EVL: variants seen among roughly 807,000 people sequenced by gnomAD.
EVL encodes Enah/Vasp-like, also known as ena/VASP-like protein.
Under a neutral mutation model 59.6 loss-of-function variants are expected in EVL, and 21 were observed. That is an observed-to-expected ratio of 0.35 (90% CI 0.25 to 0.51). The LOEUF is 0.51. Among genes scored for constraint, EVL ranks in the 20% least tolerant of loss-of-function variants. The pLI, the probability that EVL is intolerant of heterozygous loss-of-function variation, is 0.97. For synonymous variants in EVL, 198 were observed against 203.5 expected (o/e 0.97, Z 0.23); for missense variants, 462 against 546.6 (o/e 0.85, Z 1.54).
At chr14:100,102,421 G>C (rs894597968) in intron 3 of EVL, 1 of 455,120 alleles carries the variant, frequency 2.2e-6, no homozygotes, top group African/African-American at 2.0e-5. Context: ...ACACCTCCTT[G>C]GCTGTCAGGT....
At chr14:100,133,453 T>C (rs901650893) in intron 8 of EVL, among the ~76,000 whole-genome samples, 1 of 152,242 alleles carries the variant, frequency 6.6e-6, no homozygotes, top group Non-Finnish European at 1.5e-5. Context: ...GAAATAAAAC[T>C]GCCAGGGACC....
At chr14:100,137,500 T>G in intron 9 of EVL, 78 bp from the exon 10 acceptor site, 14 of 1,445,570 alleles carry the variant, frequency 9.7e-6, no homozygotes, top group Non-Finnish European at 1.3e-5. Flanking sequence ...GGGCTTCCTG[T>G]TGGGGTGTTT....
intron 3 of EVL, among the ~76,000 whole-genome samples, chr14:100,104,808 G>T (rs774487582): frequency 6.6e-6 from 1 of 151,436 alleles, no homozygotes; most frequent in Non-Finnish European, 1.5e-5. Context: ...GATCAAATGT[G>T]TAGATAAATA....
At chr14:100,006,273 G>T (rs1340716166) in intron 1 of EVL, among the ~76,000 whole-genome samples, 1 of 150,376 alleles carries the variant, frequency 6.6e-6, no homozygotes, top group Non-Finnish European at 1.5e-5. Flanking sequence ...AAAACCAGCT[G>T]GTTGTTAATC....
chr14:100,136,026 G>A (rs1338526687), intron 9 of EVL, 58 bp downstream of exon 9: 10 of 1,576,886 alleles, frequency 6.3e-6, no homozygotes, highest in Non-Finnish European at 8.7e-6. Flanking sequence ...GTGGGAGGGG[G>A]GACCCTTCGG....
intron 1 of EVL, among the ~76,000 whole-genome samples, chr14:99,985,744 G>C (rs1366563674): frequency 6.6e-6 from 1 of 151,170 alleles, no homozygotes; most frequent in Non-Finnish European, 1.5e-5. Flanking sequence ...TCTGGCCTGG[G>C]CAACAAGAGC....
At chr14:100,033,672 A>T (rs972096388) in intron 1 of EVL, among the ~76,000 whole-genome samples, 2 of 152,250 alleles carry the variant, frequency 1.3e-5, no homozygotes, top group Non-Finnish European at 2.9e-5. Context: ...TAACCTGCTA[A>T]GTACTTTATA....
chr14:100,143,726 C>A lies in EVL; in HGVS notation c.1245C>A (p.Ile415=), dbSNP rs139019530. 73 of 1,612,368 alleles carry A rather than the reference C, an allele frequency of 4.5e-5. No homozygotes were observed. The highest frequency in any genetic ancestry group is 5.7e-5 in the Non-Finnish European group (67 of 1,179,906). Residue 415 remains isoleucine, a synonymous_variant, in exon 14 of 14, where the codon ATC becomes ATA. Transcript: ENST00000392920. ...IDAIRQELSG[I]STT The stretch of plus-strand genomic sequence containing the variant: ...CCATCAGGCAGGAGCTGAGTGGGAT[C>A]AGCACCACGTAAGGGGCCGGCCTCG...
intron 6 of EVL, among the ~76,000 whole-genome samples, chr14:100,129,200 G>A (rs1888275466): frequency 6.6e-6 from 1 of 152,210 alleles, no homozygotes; most frequent in African/African-American, 2.4e-5. Flanking sequence ...GTGCTTGTAA[G>A]AATAGCTCTA....
Position 100,143,835 on chromosome 14 carries a change from C to A in EVL, c.*97C>A. The A allele has an allele frequency of 6.8e-7, 1 of 1,465,262 alleles. No individual in the cohort carries two copies. The highest frequency in any genetic ancestry group is 9.3e-7 in the Non-Finnish European group (1 of 1,069,732). The allele number at this position is 1,465,262 out of a possible 1,614,324, so 90.8% of individuals were successfully genotyped here. A position where few individuals can be genotyped will look rare whatever the true frequency, so the allele number is the denominator to read the frequency against. On this transcript the variant is annotated 3_prime_UTR_variant, in exon 14 of 14. Coordinates refer to ENST00000392920, the MANE Select transcript of EVL (RefSeq NM_016337.3). Reference sequence around the variant, plus strand: ...CCAGACTCCAGTGCACCAGAGCACGCACAGGAGCCTGGGCGCGCTGCTGTG... The same window carrying A: ...CCAGACTCCAGTGCACCAGAGCACGAACAGGAGCCTGGGCGCGCTGCTGTG...
chr14:99,996,343 A>G (rs1052616009), intron 1 of EVL, among the ~76,000 whole-genome samples: 1 of 152,142 alleles, frequency 6.6e-6, no homozygotes, highest in African/African-American at 2.4e-5. Flanking sequence ...CCATAGGGGA[A>G]GGAGGATCTG....
chr14:99,994,533 C>T lies in EVL; in HGVS notation c.5+22476C>T, dbSNP rs578031462. ...ACTAATAACAACTTCCTTTCTGTTGCGTTAAAAACTCTACTCCTTTACATC... is the reference window on the plus strand; with the variant it reads ...ACTAATAACAACTTCCTTTCTGTTGTGTTAAAAACTCTACTCCTTTACATC... On this transcript the variant is annotated intron_variant, in intron 1 of 13. Transcript: ENST00000402714. 9.9e-4 allele frequency among the ~76,000 whole-genome samples: 149 copies of T among 150,872 alleles called. 1 individual carries two copies. Among genetic ancestry groups the T allele is most frequent in the African/African-American group, 3.5e-3 (145 of 41,424 alleles).
chr14:100,125,148 AC>A (rs974324742), intron 4 of EVL, among the ~76,000 whole-genome samples: 6 of 139,456 alleles, frequency 4.3e-5, no homozygotes, highest in African/African-American at 1.8e-4. Flanking sequence ...ACACACACAC[AC>A]ACCTGCCCCA....
intron 1 of EVL, among the ~76,000 whole-genome samples, chr14:100,082,029 C>A (rs967714453): frequency 1.3e-5 from 2 of 152,190 alleles, no homozygotes; most frequent in African/African-American, 2.4e-5. Flanking sequence ...GAGGCTGAAG[C>A]ACAAGAATCG....
chr14:100,079,085 G>A (rs2062232106), intron 1 of EVL, among the ~76,000 whole-genome samples: 2 of 152,312 alleles, frequency 1.3e-5, no homozygotes, highest in African/African-American at 4.8e-5. Flanking sequence ...CTGGAGGAGC[G>A]GGTCTTTCTC....
In EVL at chr14:100,144,176, ACTGT is replaced by A. The variant is rs1002879298; in HGVS notation, c.*444_*447del. On this transcript the variant is annotated 3_prime_UTR_variant, in exon 14 of 14. Coordinates refer to ENST00000392920, the MANE Select transcript of EVL (RefSeq NM_016337.3). ...CGTCCCCAGCGCTCATGGTGTTGAAACTGTCTGTCATGCACCACGGTGTCTGTGT... is the reference window on the plus strand; with the variant it reads ...CGTCCCCAGCGCTCATGGTGTTGAAACTGTCATGCACCACGGTGTCTGTGT... 19 of 191,476 alleles carry A rather than the reference ACTGT, an allele frequency of 9.9e-5. No homozygotes were observed. Among genetic ancestry groups the A allele is most frequent in the African/African-American group, 4.0e-4 (17 of 42,454 alleles). 11.9% of individuals were successfully genotyped at this position (191,476 alleles called of 1,614,324 possible).
At chr14:99,997,551 C>T (rs963518239) in intron 1 of EVL, among the ~76,000 whole-genome samples, 1 of 152,098 alleles carries the variant, frequency 6.6e-6, no homozygotes, top group Non-Finnish European at 1.5e-5. Flanking sequence ...TGGGGAGGGC[C>T]GTGGGAGTAG....
At chr14:100,014,052 T>C (rs1219971762) in intron 1 of EVL, among the ~76,000 whole-genome samples, 1 of 152,236 alleles carries the variant, frequency 6.6e-6, no homozygotes, top group African/African-American at 2.4e-5. Context: ...TATACTCTTT[T>C]AGTTATTTTT....
intron 1 of EVL, among the ~76,000 whole-genome samples, chr14:100,049,083 CAA>C (rs776993594): frequency 3.9e-5 from 6 of 152,032 alleles, no homozygotes; most frequent in Non-Finnish European, 8.8e-5. Context: ...CCAAACCAAG[CAA>C]AAAGGTCTGA....
Sources: allele counts gnomAD v4.1 joint callset (sites outside exome capture counted in the v4.1 genomes callset), GRCh38; gene constraint gnomAD v4.1.1; transcripts MANE v1.5; gene names NCBI Gene and HGNC (gene_info 2026-07-23, HGNC 2026-07-21).